The following CCM2 variants were observed in gnomAD, a reference collection of about 807,000 sequenced individuals.
The protein encoded by CCM2 is cerebral cavernous malformations 2 protein.
In CCM2, 25 loss-of-function variants were observed where a neutral mutation model predicts 44.9. The observed-to-expected ratio is 0.56, with a 90% CI of 0.41 to 0.78. CCM2 has a LOEUF of 0.78. Ranked by LOEUF, CCM2 falls within the 30% of genes least tolerant of loss-of-function variation. CCM2 has a pLI of 0.00. For missense variants in CCM2, 481 were observed against 580.6 expected, an observed-to-expected ratio of 0.83 and a Z score of 1.76; for synonymous variants, 219 against 241.1, an observed-to-expected ratio of 0.91 and a Z score of 0.85.
intron 1 of CCM2, among the ~76,000 whole-genome samples, chr7:45,004,708 C>G (rs1190592900): frequency 2.0e-5 from 3 of 151,768 alleles, no homozygotes; most frequent in Non-Finnish European, 2.9e-5. Context: ...TTTTTTCTTT[C>G]TATTACAACT....
At chr7:45,075,674 C>T in intron 9 of CCM2, 103 bp from the exon 10 acceptor site, 1 of 1,435,452 alleles carries the variant, frequency 7.0e-7, no homozygotes, top group Admixed American at 1.7e-5. Flanking sequence ...GGCCATGCAC[C>T]AGGGGCAGCT....
Position 45,000,758 on chromosome 7 carries a change from A to G in CCM2, c.30+395A>G, listed in dbSNP as rs182663667. On this transcript the variant is annotated intron_variant, in intron 1 of 9. Transcript: ENST00000258781. ...CACTGGACTTCGTTTTTGGATATCC[A>G]GTAAAAGCAAGGGTGGCCTTCACCT... 6.5e-3 allele frequency among the ~76,000 whole-genome samples: 989 copies of G among 152,366 alleles called. 15 individuals are homozygous for G. The highest frequency in any genetic ancestry group is 0.022 in the African/African-American group (932 of 41,580).
upstream of CCM2, chr7:45,000,052 G>A (rs1171802181): frequency 5.1e-6 from 1 of 196,212 alleles, no homozygotes; most frequent in Non-Finnish European, 1.1e-5. Context: ...TGAAGGGGCG[G>A]GGTCTGATCG....
Position 45,074,098 on chromosome 7 carries a change from G to A in CCM2, c.916-172G>A, listed in dbSNP as rs942050466. 9.0e-6 allele frequency: 13 copies of A among 1,437,668 alleles called. No homozygotes were observed. The African/African-American group carries it at 1.4e-4, about 15-fold the overall frequency. 89.1% of individuals were successfully genotyped at this position (1,437,668 alleles called of 1,614,324 possible). A position where few individuals can be genotyped will look rare whatever the true frequency, so the allele number is the denominator to read the frequency against. On this transcript the variant is annotated intron_variant, in intron 8 of 9. Transcript: ENST00000258781. Reference sequence around the variant, plus strand: ...GTCTCCTCTGGGTGGCCCCGTGCCAGGTCTGGTAGGATGGGGACACATTGT... The same window carrying A: ...GTCTCCTCTGGGTGGCCCCGTGCCAAGTCTGGTAGGATGGGGACACATTGT...
chr7:45,005,268 T>TTC lies in CCM2; in HGVS notation c.30+4906_30+4907insCT, dbSNP rs1222292041. Reference sequence around the variant, plus strand: ...ACATAAGGCTGGTTACTTTTCTGTCTTGAAGAGTTACCATTTACATAGTAT... The same window carrying TTC: ...ACATAAGGCTGGTTACTTTTCTGTCTTCTGAAGAGTTACCATTTACATAGTAT... On this transcript the variant is annotated intron_variant, in intron 1 of 9. Coordinates refer to ENST00000258781, the MANE Select transcript of CCM2 (RefSeq NM_031443.4). 4.6e-5 allele frequency among the ~76,000 whole-genome samples: 7 copies of TTC among 152,344 alleles called. No homozygotes were observed. The East Asian group carries it at 1.3e-3, about 29-fold the overall frequency.
At chr7:45,044,567 T>C (rs1460353585) in intron 2 of CCM2, among the ~76,000 whole-genome samples, 1 of 152,222 alleles carries the variant, frequency 6.6e-6, no homozygotes, top group Non-Finnish European at 1.5e-5. Context: ...TTGACTTCCT[T>C]ACAGCATAAA....
chr7:45,071,939 G>C (rs1214979886), intron 6 of CCM2: 1 of 446,380 alleles, frequency 2.2e-6, no homozygotes, highest in African/African-American at 2.0e-5. Context: ...CCAGGGATTA[G>C]GATGTGGACG....
intron 1 of CCM2, among the ~76,000 whole-genome samples, chr7:45,014,102 C>T (rs1796165808): frequency 6.6e-6 from 1 of 152,110 alleles, no homozygotes; most frequent in African/African-American, 2.4e-5. Context: ...GCACTTTAAG[C>T]TGGCTCTGGT....
Position 45,074,813 on chromosome 7 carries a change from G to A in CCM2, c.1054+405G>A, listed in dbSNP as rs184018040. Among the ~76,000 whole-genome samples the A allele has an allele frequency of 3.7e-4, 57 of 152,312 alleles. No individual in the cohort carries two copies. The East Asian group carries it at 8.7e-3, about 23-fold the overall frequency. ...AGGACTTCAAGGCGGAAGGACCAGC[G>A]TTTGCCAAGACCCCTAAAATGCTCG... On this transcript the variant is annotated intron_variant, in intron 9 of 9. Transcript: ENST00000258781.
At chr7:45,007,721 G>A (rs1228171068) in intron 1 of CCM2, among the ~76,000 whole-genome samples, 2 of 152,170 alleles carry the variant, frequency 1.3e-5, no homozygotes, top group Admixed American at 6.5e-5. Flanking sequence ...TAGGATGATG[G>A]TGTGTCTTGT....
At chr7:45,064,267 C>T (rs1282010416) in intron 3 of CCM2, among the ~76,000 whole-genome samples, 196 bp from the exon 4 acceptor site, 1 of 152,192 alleles carries the variant, frequency 6.6e-6, no homozygotes, top group Non-Finnish European at 1.5e-5. Context: ...GAAGGCAGTT[C>T]CAGAAGAATC....
intron 1 of CCM2, among the ~76,000 whole-genome samples, chr7:45,019,132 C>T (rs932420386): frequency 2.8e-5 from 4 of 144,226 alleles, no homozygotes; most frequent in Non-Finnish European, 4.5e-5. Context: ...GGCGTGATCT[C>T]GGCTCACTGC....
chr7:45,068,361 C>T (rs1583979951), intron 4 of CCM2, 82 bp from the exon 5 acceptor site: 2 of 1,585,986 alleles, frequency 1.3e-6, no homozygotes, highest in African/African-American at 2.7e-5. Flanking sequence ...AGCCTGTTTC[C>T]ATGGCGGCCT....
chr7:45,013,220 G>A (rs747425314), intron 1 of CCM2, among the ~76,000 whole-genome samples: 14 of 151,748 alleles, frequency 9.2e-5, no homozygotes, highest in Non-Finnish European at 2.1e-4. Flanking sequence ...GAACCTATCA[G>A]CAGTATCATT....
intron 6 of CCM2, 146 bp from the exon 7 acceptor site, chr7:45,072,580 A>T: frequency 1.4e-6 from 1 of 713,796 alleles, no homozygotes; most frequent in Middle Eastern, 3.6e-4. Flanking sequence ...CACATTCCAG[A>T]GTGCGGGCAG....
intron 2 of CCM2, among the ~76,000 whole-genome samples, chr7:45,054,814 C>T (rs1260589204): frequency 6.6e-6 from 1 of 152,210 alleles, no homozygotes; most frequent in Admixed American, 6.5e-5. Context: ...ATGGCATTGC[C>T]ATAGGGGCAC....
At chr7:45,002,294 C>G (rs1795669833) in intron 1 of CCM2, among the ~76,000 whole-genome samples, 1 of 152,212 alleles carries the variant, frequency 6.6e-6, no homozygotes, top group African/African-American at 2.4e-5. Flanking sequence ...CAGAATTAGG[C>G]TGGGTATGGT....
At chr7:45,020,462 T>C (rs1329790820) in intron 1 of CCM2, among the ~76,000 whole-genome samples, 2 of 152,188 alleles carry the variant, frequency 1.3e-5, no homozygotes, top group Non-Finnish European at 2.9e-5. Context: ...ATCTGTGGGC[T>C]ACTGTATTTA....
intron 1 of CCM2, among the ~76,000 whole-genome samples, chr7:45,031,565 T>A (rs1240444850): frequency 6.6e-6 from 1 of 151,528 alleles, no homozygotes; most frequent in Non-Finnish European, 1.5e-5. Context: ...AATTAATAAT[T>A]ATTATTTGTT....
Sources: gnomAD v4.1 joint callset for allele counts (sites outside exome capture counted in the v4.1 genomes callset) on GRCh38, gnomAD v4.1.1 for gene constraint, MANE v1.5 for transcripts, NCBI Gene and HGNC (gene_info 2026-07-23, HGNC 2026-07-21) for gene names.